SLFN12L: variants seen among roughly 807,000 people sequenced by gnomAD.
SLFN12L encodes the protein schlafen family member 12 like.
A neutral mutation model predicts 34.8 loss-of-function variants in SLFN12L; 34 were observed. The observed-to-expected ratio is 0.98, with a 90% CI of 0.74 to 1.30. The LOEUF is 1.30. Ranked by LOEUF, SLFN12L falls within the 50% of genes most tolerant of loss-of-function variation. The probability of loss-of-function intolerance (pLI) is 0.00; values close to 1 mark genes in which losing one functional copy is unlikely to be tolerated. For synonymous variants in SLFN12L, 259 were observed against 247.5 expected, an observed-to-expected ratio of 1.05 and a Z score of -0.44; for missense variants, 703 against 696.2, an observed-to-expected ratio of 1.01 and a Z score of -0.11.
intron 2 of SLFN12L, among the ~76,000 whole-genome samples, chr17:35,512,172 T>TTTTTA (rs1915667044): frequency 7.8e-5 from 8 of 102,400 alleles, no homozygotes; most frequent in East Asian, 3.5e-4. Context: ...TTTTTTTTTT[T>TTTTTA]GAGACGGAGT....
intron 2 of SLFN12L, among the ~76,000 whole-genome samples, chr17:35,507,347 T>C (rs922901066): frequency 2.0e-5 from 3 of 152,160 alleles, no homozygotes; most frequent in Non-Finnish European, 4.4e-5. Context: ...ATTTACATAC[T>C]CAACCAAATC....
chr17:35,509,221 G>T (rs1915560540), intron 2 of SLFN12L, among the ~76,000 whole-genome samples: 1 of 152,196 alleles, frequency 6.6e-6, no homozygotes, highest in Non-Finnish European at 1.5e-5. Context: ...TACTGTAGGG[G>T]ATGAGGGAGA....
intron 2 of SLFN12L, among the ~76,000 whole-genome samples, chr17:35,483,965 G>A (rs1236132520): frequency 6.6e-6 from 1 of 152,218 alleles, no homozygotes; most frequent in Admixed American, 6.5e-5. Context: ...GTTACATCAA[G>A]AGAATTCATA....
intron 2 of SLFN12L, among the ~76,000 whole-genome samples, chr17:35,511,584 T>TACACAC (rs58683369): frequency 0.012 from 1,820 of 148,412 alleles, 34 homozygotes; most frequent in African/African-American, 0.036. Context: ...CACACACACA[T>TACACAC]ACACACACAC....
intron 2 of SLFN12L, among the ~76,000 whole-genome samples, chr17:35,496,236 C>G (rs1915066173): frequency 1.3e-5 from 2 of 152,076 alleles, no homozygotes; most frequent in South Asian, 2.1e-4. Context: ...GTAATCCCGA[C>G]ACTTTGGGAG....
intron 2 of SLFN12L, among the ~76,000 whole-genome samples, chr17:35,489,751 G>C (rs1263892955): frequency 6.6e-6 from 1 of 152,134 alleles, no homozygotes; most frequent in Non-Finnish European, 1.5e-5. Context: ...TTTGACTCTT[G>C]AAAGTTATCC....
chr17:35,512,868 G>A (rs530147484), intron 2 of SLFN12L, among the ~76,000 whole-genome samples: 24 of 152,262 alleles, frequency 1.6e-4, no homozygotes, highest in African/African-American at 5.8e-4. Flanking sequence ...AGTTTTCAAG[G>A]ACATAGTGTT....
intron 2 of SLFN12L, among the ~76,000 whole-genome samples, chr17:35,507,300 T>C (rs1915494551): frequency 6.6e-6 from 1 of 152,204 alleles, no homozygotes; most frequent in South Asian, 2.1e-4. Flanking sequence ...GGCCTGCTAC[T>C]TGGGCACAAG....
intron 1 of SLFN12L, 149 bp from the exon 2 acceptor site, chr17:35,523,118 G>A: frequency 4.9e-6 from 1 of 204,762 alleles, no homozygotes; most frequent in East Asian, 1.2e-4. Context: ...AATTATAAAG[G>A]AAAAGAAGCT....
intron 2 of SLFN12L, among the ~76,000 whole-genome samples, chr17:35,487,479 C>CG (rs34388527): frequency 6.6e-6 from 1 of 152,118 alleles, no homozygotes; most frequent in African/African-American, 2.4e-5. Flanking sequence ...CCACCCCCCC[C>CG]GGACCCCCGG....
Position 35,474,692 on chromosome 17 carries a change from G to A in SLFN12L, c.*231C>T, listed in dbSNP as rs112997469. 44 of 368,854 alleles carry A rather than the reference G, an allele frequency of 1.2e-4. No homozygotes were observed. Among genetic ancestry groups the A allele is most frequent in the South Asian group, 2.6e-4 (9 of 35,166 alleles). 22.8% of individuals were successfully genotyped at this position (368,854 alleles called of 1,614,324 possible). The stretch of plus-strand genomic sequence containing the variant: ...CTCCTAGCACTTTGGGAGACCGGGG[G>A]GGGGGGTTGAATCACGAGGTCAGGA... On this transcript the variant is annotated 3_prime_UTR_variant, in exon 5 of 5. Transcript: ENST00000628453.
chr17:35,532,312 T>C (rs2072419184), intron 1 of SLFN12L, among the ~76,000 whole-genome samples: 1 of 151,874 alleles, frequency 6.6e-6, no homozygotes, highest in South Asian at 2.1e-4. Context: ...TGGTGGCACA[T>C]GCCTCTTATG....
intron 2 of SLFN12L, among the ~76,000 whole-genome samples, chr17:35,499,347 C>T (rs1411625692): frequency 1.3e-5 from 2 of 152,140 alleles, no homozygotes; most frequent in African/African-American, 4.8e-5. Context: ...ACATGCCTAA[C>T]CTAAGGTGTA....
intron 2 of SLFN12L, among the ~76,000 whole-genome samples, chr17:35,517,682 C>A (rs1915874474): frequency 6.6e-6 from 1 of 152,128 alleles, no homozygotes; most frequent in African/African-American, 2.4e-5. Context: ...AACAGCATAG[C>A]ACTGGTACCA....
rs1251240582 is a variant in SLFN12L, at chr17:35,492,970, CA to C, written c.87-12776del. 1.7e-3 allele frequency among the ~76,000 whole-genome samples: 28 copies of C among 16,748 alleles called. 1 individual carries two copies. Among genetic ancestry groups the C allele is most frequent in the Admixed American group, 0.012 (27 of 2,210 alleles). The allele number at this position is 16,748 out of a possible 152,430, so 11.0% of individuals were successfully genotyped here. The stretch of plus-strand genomic sequence containing the variant: ...AATATCCCTTAGGGGAAAAAAAAAA[CA>C]CACACACACACAAGCAAAAAACCAC... On this transcript the variant is annotated intron_variant, in intron 2 of 4. Coordinates refer to ENST00000628453, the MANE Select transcript of SLFN12L (RefSeq NM_001363830.2).
At chr17:35,533,135 T>G (rs2142180414) in intron 1 of SLFN12L, among the ~76,000 whole-genome samples, 1 of 152,358 alleles carries the variant, frequency 6.6e-6, no homozygotes, top group Admixed American at 6.5e-5. Flanking sequence ...TTTTATCACA[T>G]AACACCTCTA....
chr17:35,477,389 A>G (rs996947716), intron 4 of SLFN12L, among the ~76,000 whole-genome samples: 1 of 152,182 alleles, frequency 6.6e-6, no homozygotes, highest in Non-Finnish European at 1.5e-5. Flanking sequence ...CACAAGGCAC[A>G]AAGAGCACTA....
chr17:35,479,844 G>A lies in SLFN12L; in HGVS notation c.438C>T (p.His146=), dbSNP rs12451746. 0.41 allele frequency: 651,924 copies of A among 1,604,914 alleles called. 135,165 individuals carry two copies. The highest frequency in any genetic ancestry group is 0.43 in the Non-Finnish European group (505,351 of 1,174,814). The change falls in exon 3 of 5, where the codon CAC becomes CAT. Residue 146 remains histidine (H), a synonymous_variant. Coordinates refer to ENST00000628453, the MANE Select transcript of SLFN12L (RefSeq NM_001363830.2). ...LDFMQNGNYF[H]IFVKSWSLET... ...CCAAGCTCCATGATTTCACAAAAAT[G>A]TGAAAGTAGTTACCATTCTGCATGA... is the stretch of plus-strand genomic sequence containing the variant.
intron 2 of SLFN12L, among the ~76,000 whole-genome samples, chr17:35,494,879 A>AATTT (rs552950461): frequency 0.021 from 3,078 of 148,862 alleles, 57 homozygotes; most frequent in Middle Eastern, 0.052. Context: ...TAATTTTATT[A>AATTT]ATTTATTTAT....
Sources: gnomAD v4.1 joint callset for allele counts (sites outside exome capture counted in the v4.1 genomes callset) on GRCh38, gnomAD v4.1.1 for gene constraint, MANE v1.5 for transcripts, NCBI Gene and HGNC (gene_info 2026-07-23, HGNC 2026-07-21) for gene names.